Variants in B4GALT1 observed in about 807,000 individuals in gnomAD.
The protein encoded by B4GALT1 is beta-1,4-galactosyltransferase 1.
In B4GALT1, 16 loss-of-function variants were observed where a neutral mutation model predicts 34.9. The ratio of observed to expected loss-of-function variants is 0.46; its 90% confidence interval spans 0.31 to 0.70. The LOEUF (loss-of-function observed/expected upper bound fraction) is 0.70, where lower values mean the gene tolerates loss of function less well. B4GALT1 is among the 30% of genes least tolerant of loss of function. The pLI is 0.05. For missense variants in B4GALT1, 445 were observed against 530.5 expected (o/e 0.84, Z 1.58); for synonymous variants, 221 against 218.1 (o/e 1.01, Z -0.12).
intron 1 of B4GALT1, among the ~76,000 whole-genome samples, chr9:33,143,881 C>CTTT (rs72218508): frequency 6.9e-6 from 1 of 145,512 alleles, no homozygotes; most frequent in Admixed American, 6.9e-5. Context: ...GTTTGAATAT[C>CTTT]TTTTTTTTTT....
chr9:33,155,933 C>T (rs2118272776), intron 1 of B4GALT1, among the ~76,000 whole-genome samples: 1 of 152,206 alleles, frequency 6.6e-6, no homozygotes, highest in East Asian at 1.9e-4. Context: ...GAAAATCTTG[C>T]CCTAGGTCTC....
At position 33,120,194 on chromosome 9, in the gene B4GALT1, CAA is replaced by C. The variant is rs370123101; in HGVS notation, c.836+223_836+224del. Among the ~76,000 whole-genome samples the C allele has an allele frequency of 1.1e-4, 14 of 129,974 alleles. 1 individual carries two copies. The highest frequency in any genetic ancestry group is 6.7e-4 in the East Asian group (3 of 4,450). 85.3% of individuals were successfully genotyped at this position (129,974 alleles called of 152,430 possible). A position where few individuals can be genotyped will look rare whatever the true frequency, so the allele number is the denominator to read the frequency against. On this transcript the variant is annotated intron_variant, in intron 3 of 5. Coordinates refer to ENST00000379731, the MANE Select transcript of B4GALT1 (RefSeq NM_001497.4). The stretch of plus-strand genomic sequence containing the variant: ...GCCAGACCCTGTCTCAAAAAACAAA[CAA>C]AAAAAAAAAAGGGGGGAAAATTTGT...
upstream of B4GALT1, among the ~76,000 whole-genome samples, chr9:33,167,783 G>C (rs1043003922): frequency 2.6e-5 from 4 of 152,214 alleles, no homozygotes; most frequent in Non-Finnish European, 4.4e-5. Flanking sequence ...TGGCCAGTGG[G>C]CCTTGGTGGG....
chr9:33,166,988 T>C lies in B4GALT1; in HGVS notation c.182A>G (p.Gln61Arg), dbSNP rs776449487. The C allele has an allele frequency of 1.4e-5, 22 of 1,590,848 alleles. No individual in the cohort carries two copies. The highest frequency in any genetic ancestry group is 1.8e-5 in the Non-Finnish European group (21 of 1,175,064). Reference protein sequence around the residue: ...PQLVGVSTPLQGGSNSAAAIG... With the variant: ...PQLVGVSTPLRGGSNSAAAIG... ...GGCGGCGGCACTGTTCGAGCCGCCC[T>C]GCAGCGGTGTGGAGACTCCGACCAG... Residue 61 changes from glutamine to arginine, a missense_variant, in exon 1 of 6, where the codon CAG becomes CGG. By Grantham distance (43) the Gln-to-Arg change is conservative (BLOSUM62 1). This residue lies in a region of B4GALT1 where 349 missense variants were observed against 395.5 expected (regional missense o/e 0.88). Coordinates refer to ENST00000379731, the MANE Select transcript of B4GALT1 (RefSeq NM_001497.4).
chr9:33,117,138 C>T (rs1276778047), intron 3 of B4GALT1, among the ~76,000 whole-genome samples: 1 of 152,134 alleles, frequency 6.6e-6, no homozygotes, highest in Non-Finnish European at 1.5e-5. Context: ...CTGTACCCAC[C>T]CAGTCACAGC....
At chr9:33,150,168 TGAGA>T (rs760358366) in intron 1 of B4GALT1, among the ~76,000 whole-genome samples, 787 of 75,308 alleles carry the variant, frequency 0.01, 9 homozygotes, top group African/African-American at 0.052. Flanking sequence ...CACATATATA[TGAGA>T]GAGAGAGATC....
chr9:33,153,737 T>A (rs1218825572), intron 1 of B4GALT1, among the ~76,000 whole-genome samples: 1 of 152,000 alleles, frequency 6.6e-6, no homozygotes, highest in Non-Finnish European at 1.5e-5. Context: ...AAAGAAAACA[T>A]CAGGCCCAGA....
At chr9:33,139,978 G>A (rs796220931) in intron 1 of B4GALT1, among the ~76,000 whole-genome samples, 1 of 152,272 alleles carries the variant, frequency 6.6e-6, no homozygotes, top group Non-Finnish European at 1.5e-5. Flanking sequence ...GCCCCGCCAC[G>A]TGGGCCTCTC....
intron 2 of B4GALT1, among the ~76,000 whole-genome samples, chr9:33,126,660 G>GTTAACCATTGTTAACATTTTTAA: frequency 6.7e-6 from 1 of 150,330 alleles, no homozygotes; most frequent in Non-Finnish European, 1.5e-5. Flanking sequence ...GTTAACCATA[G>GTTAACCATTGTTAACATTTTTAA]CAATATGGTA....
the B4GALT1 span, among the ~76,000 whole-genome samples, chr9:33,174,589 C>T: frequency 0.25 from 38,433 of 151,294 alleles, 5,182 homozygotes; most frequent in East Asian, 0.49. Flanking sequence ...GTGGAGGTTG[C>T]GGTGAGCGGA....
chr9:33,127,743 A>G (rs1840133868), intron 2 of B4GALT1, among the ~76,000 whole-genome samples: 1 of 152,284 alleles, frequency 6.6e-6, no homozygotes, highest in Non-Finnish European at 1.5e-5. Flanking sequence ...ATGAAATAAC[A>G]TGGGAAGATG....
rs3780493 is a variant in B4GALT1, at chr9:33,127,122, C to A, written c.649-6516G>T. ...GACTTTTCAAGTGCCCGCCACCACG[C>A]CCGGCTAATTTTTTGTATTTTTAGT... On this transcript the variant is annotated intron_variant, in intron 2 of 5. Transcript: ENST00000379731. 3.2e-4 allele frequency among the ~76,000 whole-genome samples: 49 copies of A among 152,262 alleles called. 1 individual carries two copies. The East Asian group carries it at 8.3e-3, about 26-fold the overall frequency.
intron 3 of B4GALT1, 97 bp downstream of exon 3, chr9:33,120,322 A>C (rs769693653): frequency 3.6e-6 from 5 of 1,381,626 alleles, no homozygotes; most frequent in Non-Finnish European, 5.1e-6. Context: ...TCTGCTCCAG[A>C]GCTTAAAGAG....
At chr9:33,130,016 A>G (rs966650424) in intron 2 of B4GALT1, among the ~76,000 whole-genome samples, 3 of 152,200 alleles carry the variant, frequency 2.0e-5, no homozygotes, top group Non-Finnish European at 2.9e-5. Context: ...AGGAAGTAAC[A>G]TGGTCAGAAC....
At chr9:33,148,142 T>C (rs1028370491) in intron 1 of B4GALT1, among the ~76,000 whole-genome samples, 1 of 152,166 alleles carries the variant, frequency 6.6e-6, no homozygotes, top group Non-Finnish European at 1.5e-5. Flanking sequence ...AATTCCTGCA[T>C]ATCTTCAAGA....
chr9:33,168,744 C>T (rs567702527), upstream of B4GALT1, among the ~76,000 whole-genome samples: 520 of 152,308 alleles, frequency 3.4e-3, 4 homozygotes, highest in African/African-American at 0.012. Flanking sequence ...CTTACTGCCT[C>T]GGAATGATTT....
At chr9:33,182,297 A>G in the B4GALT1 span, among the ~76,000 whole-genome samples, 2 of 152,184 alleles carry the variant, frequency 1.3e-5, no homozygotes, top group Non-Finnish European at 2.9e-5. Context: ...GAAACCAGTC[A>G]TTGGACTTGG....
At chr9:33,154,997 T>C (rs531822196) in intron 1 of B4GALT1, among the ~76,000 whole-genome samples, 3 of 152,306 alleles carry the variant, frequency 2.0e-5, no homozygotes, top group African/African-American at 7.2e-5. Context: ...ATCCTGGCTC[T>C]TAGGGCCCAG....
chr9:33,143,851 T>C (rs550201454), intron 1 of B4GALT1, among the ~76,000 whole-genome samples: 47 of 152,120 alleles, frequency 3.1e-4, no homozygotes, highest in African/African-American at 1.1e-3. Flanking sequence ...TCAAATATAA[T>C]AACTACGTTG....
Sources: allele counts gnomAD v4.1 joint callset (sites outside exome capture counted in the v4.1 genomes callset), GRCh38; gene constraint gnomAD v4.1.1; regional missense constraint gnomAD v4.1.1; transcripts MANE v1.5; gene names NCBI Gene and HGNC (gene_info 2026-07-23, HGNC 2026-07-21).